Variants in BPIFA3 observed in about 807,000 individuals in gnomAD.
The protein encoded by BPIFA3 is BPI fold containing family A member 3.
A neutral mutation model predicts 29.7 loss-of-function variants in BPIFA3; 32 were observed. The observed-to-expected ratio is 1.08, with a 90% confidence interval of 0.81 to 1.45. The LOEUF (loss-of-function observed/expected upper bound fraction) is 1.45, where lower values mean the gene tolerates loss of function less well. BPIFA3 is among the 40% of genes most tolerant of loss of function. The probability of loss-of-function intolerance (pLI) is 0.00; values close to 1 mark genes in which losing one functional copy is unlikely to be tolerated. For synonymous variants in BPIFA3, 112 were observed against 113.7 expected, an observed-to-expected ratio of 0.98 and a Z score of 0.10; for missense variants, 323 against 311.3, an observed-to-expected ratio of 1.04 and a Z score of -0.28.
rs1344279036 is a variant in BPIFA3, at chr20:33,226,429, A to C, written c.560A>C (p.Gln187Pro). 2.5e-6 allele frequency: 4 copies of C among 1,612,904 alleles called. No homozygotes were observed. The highest frequency in any genetic ancestry group is 3.4e-6 in the Non-Finnish European group (4 of 1,179,294). Residue 187 changes from glutamine (Q) to proline (P), a missense_variant, in exon 5 of 7, where the codon CAG becomes CCG. Coordinates refer to ENST00000375454, the MANE Select transcript of BPIFA3 (RefSeq NM_178466.5). ...LTEAIPPKMNQFLYNLKENLQ... is the reference protein window; with the variant it reads ...LTEAIPPKMNPFLYNLKENLQ... Reference sequence around the variant, plus strand: ...AGGGCTATCCCACCAAAGATGAATCAGTTTCTCTACAACCTCAAAGAGAAT... The same window carrying C: ...AGGGCTATCCCACCAAAGATGAATCCGTTTCTCTACAACCTCAAAGAGAAT...
At chr20:33,225,972 C>A in intron 4 of BPIFA3, 1 of 186,126 alleles carries the variant, frequency 5.4e-6, no homozygotes, top group Non-Finnish European at 1.1e-5. Context: ...AATAAAGCTC[C>A]ATAGACTGGC....
intron 1 of BPIFA3, among the ~76,000 whole-genome samples, chr20:33,220,396 T>C (rs1985458561): frequency 6.9e-6 from 1 of 144,986 alleles, no homozygotes; most frequent in Non-Finnish European, 1.5e-5. Context: ...AGACTCCATC[T>C]AAAAAAAAAA....
At position 33,227,565 on chromosome 20, in the gene BPIFA3, A is replaced by G. The variant is rs375292892; in HGVS notation, c.713A>G (p.His238Arg). The G allele has an allele frequency of 6.2e-7, 1 of 1,614,064 alleles. No individual in the cohort carries two copies. Among genetic ancestry groups the G allele is most frequent in the Non-Finnish European group, 8.5e-7 (1 of 1,179,974 alleles). ...IEQEAAHEPT[H>R]HETSQPSACQ... The stretch of plus-strand genomic sequence containing the variant: ...CAGGAGGCTGCTCATGAACCAACCC[A>G]CCATGAAACCAGCCAACCCTCTGCA... The change falls in exon 7 of 7, where the codon CAC becomes CGC. Residue 238 changes from histidine (H) to arginine (R), a missense_variant. By Grantham distance (29) the His-to-Arg change is conservative (BLOSUM62 0). Transcript: ENST00000375454.
At chr20:33,225,848 T>C (rs1203515396) in intron 4 of BPIFA3, 2 of 160,342 alleles carry the variant, frequency 1.2e-5, no homozygotes, top group African/African-American at 4.8e-5. Flanking sequence ...CCATCTTCTA[T>C]GAAGCTCCTC....
At position 33,225,107 on chromosome 20, in the gene BPIFA3, T is replaced by C. The variant is rs944390402; in HGVS notation, c.396T>C (p.Asp132=). 6 of 1,614,086 alleles carry C rather than the reference T, an allele frequency of 3.7e-6. No individual in the cohort carries two copies. Among genetic ancestry groups the C allele is most frequent in the East Asian group, 2.2e-5 (1 of 44,876 alleles). The part of the protein sequence containing the change: ...EFDLELRPSF[D]NNIVKMCAHM... ...CCTCTCTCATCTGCAGGTCCTTCGA[T>C]AACAACATCGTAAAGATGTGTGCAC... The change falls in exon 4 of 7, where the codon GAT becomes GAC. Residue 132 remains aspartate (D), a synonymous_variant. Coordinates refer to ENST00000375454, the MANE Select transcript of BPIFA3 (RefSeq NM_178466.5).
intron 1 of BPIFA3, among the ~76,000 whole-genome samples, chr20:33,221,365 C>T (rs1985506035): frequency 6.6e-6 from 1 of 152,138 alleles, no homozygotes; most frequent in Non-Finnish European, 1.5e-5. Flanking sequence ...CCATGTTGGC[C>T]AGGCGGGTCT....
chr20:33,226,217 G>A (rs1018931424), intron 4 of BPIFA3, 189 bp from the exon 5 acceptor site: 22 of 557,868 alleles, frequency 3.9e-5, no homozygotes, highest in African/African-American at 3.0e-4. Context: ...AATATAACCA[G>A]CACTTATTAG....
rs1334229795 is a variant in BPIFA3 at position 33,225,239 on chromosome 20, CCTCA to C, written c.531_534del (p.Thr178ArgfsTer7). 6.2e-7 allele frequency: 1 copy of C among 1,613,564 alleles called. No homozygotes were observed. The highest frequency in any genetic ancestry group is 1.3e-5 in the African/African-American group (1 of 74,896). On this transcript the variant is annotated frameshift_variant, in exon 4 of 7. Transcript: ENST00000375454. LOFTEE classifies it high-confidence loss of function. ...AGCCCAGCAGTGTCCATGTGGCCAT[CCTCA>C]CTGAGTAAGACCCCAGCTGCCCCTC...
chr20:33,225,408 C>T (rs1985738468), intron 4 of BPIFA3, 161 bp downstream of exon 4: 8 of 988,254 alleles, frequency 8.1e-6, no homozygotes, highest in Non-Finnish European at 1.0e-5. Context: ...ATGACCCTAC[C>T]ACCCTCCCAG....
At position 33,220,291 on chromosome 20, in the gene BPIFA3, G is replaced by A. The variant is rs140955630; in HGVS notation, c.127+2628G>A. On this transcript the variant is annotated intron_variant, in intron 1 of 6. Coordinates refer to ENST00000375454, the MANE Select transcript of BPIFA3 (RefSeq NM_178466.5). ...TGAGGGCCTGTAGTCCCAGCTACTC[G>A]GGAGGCTGAGGTAGGAGAATGACGT... Among the ~76,000 whole-genome samples, 119 of 151,814 alleles carry A rather than the reference G, an allele frequency of 7.8e-4. 1 individual carries two copies. Among genetic ancestry groups the A allele is most frequent in the Non-Finnish European group, 3.1e-4 (21 of 67,910 alleles).
At chr20:33,222,889 C>A (rs1985595983) in intron 1 of BPIFA3, among the ~76,000 whole-genome samples, 1 of 151,992 alleles carries the variant, frequency 6.6e-6, no homozygotes, top group African/African-American at 2.4e-5. Flanking sequence ...TGGTTTGTAC[C>A]CTCAGTGACC....
chr20:33,222,632 A>T (rs897432520), intron 1 of BPIFA3, among the ~76,000 whole-genome samples: 4 of 124,868 alleles, frequency 3.2e-5, no homozygotes, highest in African/African-American at 4.7e-5. Flanking sequence ...GGATGAGCGG[A>T]TGAATGGATG....
intron 1 of BPIFA3, among the ~76,000 whole-genome samples, chr20:33,220,072 C>G (rs1269776507): frequency 6.6e-6 from 1 of 150,600 alleles, no homozygotes; most frequent in East Asian, 1.9e-4. Context: ...TGCACTCCAG[C>G]CTGGGCAACA....
chr20:33,217,683 C>G lies in BPIFA3; in HGVS notation c.127+20C>G. On this transcript the variant is annotated intron_variant, in intron 1 of 6. Transcript: ENST00000375454. The stretch of plus-strand genomic sequence containing the variant: ...CAAGAAGTAAGCTAAGCCCCGGGCT[C>G]TGCCTGCTGCCTACGGGGCTGGGGA... 1.9e-6 allele frequency: 3 copies of G among 1,607,936 alleles called. No individual in the cohort carries two copies. The highest frequency in any genetic ancestry group is 1.3e-5 in the African/African-American group (1 of 74,692).
chr20:33,224,471 T>C lies in BPIFA3; in HGVS notation c.386+9T>C. 6.2e-7 allele frequency: 1 copy of C among 1,601,452 alleles called. No homozygotes were observed. The highest frequency in any genetic ancestry group is 8.6e-7 in the Non-Finnish European group (1 of 1,168,542). ...GACCTTGAATTGAGACCGTGAGTCA[T>C]ACAGAAGCAGAATCTGAGAGGTGCT... On this transcript the variant is annotated intron_variant, in intron 3 of 6. Transcript: ENST00000375454.
chr20:33,226,908 T>C (rs201210326), intron 5 of BPIFA3, 22 bp from the exon 6 acceptor site: 23 of 1,614,078 alleles, frequency 1.4e-5, no homozygotes, highest in African/African-American at 2.7e-5. Context: ...GCCTGATCCT[T>C]CTCTCTGTGC....
At chr20:33,224,536 T>C in intron 3 of BPIFA3, 74 bp downstream of exon 3, 1 of 1,286,024 alleles carries the variant, frequency 7.8e-7, no homozygotes, top group Non-Finnish European at 1.1e-6. Context: ...CAGATCTTTC[T>C]GATCCCAACC....
Position 33,226,506 on chromosome 20 carries a change from A to C in BPIFA3, c.621+16A>C, listed in dbSNP as rs1348841448. On this transcript the variant is annotated intron_variant, in intron 5 of 6. Coordinates refer to ENST00000375454, the MANE Select transcript of BPIFA3 (RefSeq NM_178466.5). ...AGAAAGTCAGGTAAGTTTAGAAAAAACTTTGCATCTTGAGCATCCTTGAGT... is the reference window on the plus strand; with the variant it reads ...AGAAAGTCAGGTAAGTTTAGAAAAACCTTTGCATCTTGAGCATCCTTGAGT... The C allele has an allele frequency of 1.3e-6, 2 of 1,569,810 alleles. No homozygotes were observed. Among genetic ancestry groups the C allele is most frequent in the Non-Finnish European group, 1.7e-6 (2 of 1,144,568 alleles).
At chr20:33,221,429 T>G (rs750285004) in intron 1 of BPIFA3, among the ~76,000 whole-genome samples, 6 of 152,216 alleles carry the variant, frequency 3.9e-5, no homozygotes, top group Non-Finnish European at 8.8e-5. Flanking sequence ...AGTGTTGGGA[T>G]TACAGGCGTG....
Sources: allele counts gnomAD v4.1 joint callset (sites outside exome capture counted in the v4.1 genomes callset), GRCh38; gene constraint gnomAD v4.1.1; transcripts MANE v1.5; gene names NCBI Gene and HGNC (gene_info 2026-07-23, HGNC 2026-07-21).